The following AFF3 variants were observed in gnomAD, a reference collection of about 807,000 sequenced individuals.
The protein encoded by AFF3 is ALF transcription elongation factor 3, also known as AF4/FMR2 family member 3.
A neutral mutation model predicts 129.7 loss-of-function variants in AFF3; 32 were observed. The ratio of observed to expected loss-of-function variants is 0.25; its 90% CI spans 0.19 to 0.33. The LOEUF (loss-of-function observed/expected upper bound fraction) is 0.33. AFF3 is among the 10% of genes least tolerant of loss of function. The pLI is 1.00. For missense variants in AFF3, 1,373 were observed against 1,592.0 expected, an observed-to-expected ratio of 0.86 and a Z score of 2.34; for synonymous variants, 644 against 635.4, an observed-to-expected ratio of 1.01 and a Z score of -0.20.
At chr2:99,860,544 ACT>A (rs1010111371) in intron 7 of AFF3, among the ~76,000 whole-genome samples, 2 of 114,176 alleles carry the variant, frequency 1.8e-5, no homozygotes, top group African/African-American at 6.1e-5. Context: ...ACAGAGTGAG[ACT>A]CTGTCTCAAA....
intron 4 of AFF3, among the ~76,000 whole-genome samples, chr2:100,036,179 T>C (rs548588125): frequency 2.1e-4 from 31 of 147,832 alleles, no homozygotes; most frequent in African/African-American, 7.7e-4. Context: ...TCAAAGTCTT[T>C]CCTGGCAACA....
intron 13 of AFF3, among the ~76,000 whole-genome samples, chr2:99,610,254 C>T (rs79218464): frequency 0.049 from 7,384 of 152,218 alleles, 307 homozygotes; most frequent in Non-Finnish European, 0.072. Flanking sequence ...TCCCTCATGA[C>T]ACCCTTTTAG....
At chr2:100,079,795 A>G (rs970367689) in intron 4 of AFF3, among the ~76,000 whole-genome samples, 7 of 152,144 alleles carry the variant, frequency 4.6e-5, no homozygotes, top group African/African-American at 1.7e-4. Flanking sequence ...TTCTCAGGGT[A>G]CAAGAAAGGT....
At chr2:100,040,236 A>C (rs1349808104) in intron 4 of AFF3, among the ~76,000 whole-genome samples, 1 of 152,084 alleles carries the variant, frequency 6.6e-6, no homozygotes, top group Non-Finnish European at 1.5e-5. Flanking sequence ...GTTAGACTGC[A>C]ATCTCCTTCA....
intron 4 of AFF3, among the ~76,000 whole-genome samples, chr2:100,053,250 A>G (rs1454202356): frequency 1.3e-5 from 2 of 152,236 alleles, no homozygotes; most frequent in Admixed American, 6.5e-5. Flanking sequence ...TCAGCGTGTT[A>G]GCCACTGTGG....
chr2:99,781,469 A>G (rs970615618), intron 8 of AFF3, among the ~76,000 whole-genome samples: 3 of 152,274 alleles, frequency 2.0e-5, no homozygotes, highest in African/African-American at 4.8e-5. Context: ...GGGCTGGGTC[A>G]GCAAAACAAT....
At chr2:99,580,237 A>G (rs1171234225) in intron 17 of AFF3, among the ~76,000 whole-genome samples, 3 of 152,110 alleles carry the variant, frequency 2.0e-5, no homozygotes, top group Non-Finnish European at 4.4e-5. Context: ...GAGATCTCGC[A>G]TCAGGGGTCA....
rs564903183 is a variant in AFF3 at position 99,556,529 on chromosome 2, C to CT, written c.3286-1798dup. On this transcript the variant is annotated intron_variant, in intron 22 of 24. Coordinates refer to ENST00000672756, the MANE Select transcript of AFF3 (RefSeq NM_001386135.1). ...AAGAAATACCGGTAGGAACAAAGTT[C>CT]TTTTTTTTTAGAGATAGCTCTGTAC... 3.1e-3 allele frequency among the ~76,000 whole-genome samples: 468 copies of CT among 151,544 alleles called. 3 individuals carry two copies. Among genetic ancestry groups the CT allele is most frequent in the African/African-American group, 0.011 (445 of 41,368 alleles).
chr2:99,608,592 G>A (rs966596666), intron 13 of AFF3, among the ~76,000 whole-genome samples: 3 of 152,170 alleles, frequency 2.0e-5, no homozygotes, highest in Admixed American at 6.5e-5. Context: ...CAAAACAAAT[G>A]TGTAACATTA....
intron 13 of AFF3, among the ~76,000 whole-genome samples, chr2:99,648,471 C>T (rs756295922): frequency 6.6e-6 from 1 of 152,200 alleles, no homozygotes; most frequent in Non-Finnish European, 1.5e-5. Flanking sequence ...GAGCAGTCAT[C>T]AGCTTTTGTG....
intron 15 of AFF3, among the ~76,000 whole-genome samples, chr2:99,589,504 C>T (rs1678453563): frequency 6.8e-6 from 1 of 146,710 alleles, no homozygotes; most frequent in South Asian, 2.2e-4. Context: ...AGGGTTCAAG[C>T]GATTCTCCTG....
chr2:99,870,657 T>C (rs1691805377), intron 7 of AFF3, among the ~76,000 whole-genome samples: 2 of 152,144 alleles, frequency 1.3e-5, no homozygotes, highest in Admixed American at 6.5e-5. Flanking sequence ...CTGGGCAAGT[T>C]CCCCCAAGAA....
At chr2:99,644,316 C>G (rs1370864763) in intron 13 of AFF3, among the ~76,000 whole-genome samples, 1 of 152,148 alleles carries the variant, frequency 6.6e-6, no homozygotes, top group African/African-American at 2.4e-5. Flanking sequence ...ATCGCTTCAA[C>G]AACTGTTTTC....
chr2:99,926,279 A>G (rs1381253759), intron 7 of AFF3, among the ~76,000 whole-genome samples: 1 of 152,204 alleles, frequency 6.6e-6, no homozygotes. Context: ...AAGAAATTTA[A>G]GCAGTGCCAT....
At chr2:99,922,209 C>G (rs1398629371) in intron 7 of AFF3, among the ~76,000 whole-genome samples, 1 of 152,170 alleles carries the variant, frequency 6.6e-6, no homozygotes, top group African/African-American at 2.4e-5. Flanking sequence ...TAACCCAGCA[C>G]TTTCACTCCT....
chr2:100,014,793 T>C lies in AFF3; in HGVS notation c.54-5861A>G, dbSNP rs893034542. The stretch of plus-strand genomic sequence containing the variant: ...ATACCACCTTGCTTCCTTTTTTTTT[T>C]TTTTTTTTTAGACGGAGTCTCACTC... On this transcript the variant is annotated intron_variant, in intron 4 of 24. Transcript: ENST00000672756. Among the ~76,000 whole-genome samples, 50 of 148,052 alleles carry C rather than the reference T, an allele frequency of 3.4e-4. 1 individual carries two copies. Among genetic ancestry groups the C allele is most frequent in the African/African-American group, 8.5e-4 (34 of 39,840 alleles).
chr2:99,892,262 AT>A (rs1209732319), intron 7 of AFF3, among the ~76,000 whole-genome samples: 1 of 152,216 alleles, frequency 6.6e-6, no homozygotes, highest in Non-Finnish European at 1.5e-5. Context: ...ATATTAAGCC[AT>A]TTTTATTCAT....
chr2:99,986,651 T>C (rs544032254), intron 7 of AFF3, among the ~76,000 whole-genome samples: 1 of 152,340 alleles, frequency 6.6e-6, no homozygotes, highest in South Asian at 2.1e-4. Flanking sequence ...TGACTTATTA[T>C]ACTGTTTTAC....
intron 4 of AFF3, among the ~76,000 whole-genome samples, chr2:100,020,797 C>A (rs1017661746): frequency 2.0e-5 from 3 of 152,242 alleles, no homozygotes; most frequent in East Asian, 3.9e-4. Context: ...CAGCCCCCTG[C>A]AGAGCCTCCT....
Sources: allele counts gnomAD v4.1 joint callset (sites outside exome capture counted in the v4.1 genomes callset), GRCh38; gene constraint gnomAD v4.1.1; transcripts MANE v1.5; gene names NCBI Gene and HGNC (gene_info 2026-07-23, HGNC 2026-07-21).